Variants in UBE3D observed in about 807,000 individuals in gnomAD.
The protein encoded by UBE3D is E3 ubiquitin-protein ligase E3D.
Under a neutral mutation model 49.6 loss-of-function variants are expected in UBE3D, and 48 were observed. That is an observed-to-expected ratio of 0.97 (90% CI 0.77 to 1.23). The LOEUF (loss-of-function observed/expected upper bound fraction) is 1.23, where lower values mean the gene tolerates loss of function less well. UBE3D is among the 50% of genes most tolerant of loss of function. UBE3D has a pLI of 0.00. For missense variants in UBE3D, 452 were observed against 468.4 expected, an observed-to-expected ratio of 0.96 and a Z score of 0.32; for synonymous variants, 189 against 174.2, an observed-to-expected ratio of 1.08 and a Z score of -0.67.
At chr6:82,934,177 A>G (rs1774381152) in intron 9 of UBE3D, among the ~76,000 whole-genome samples, 1 of 152,118 alleles carries the variant, frequency 6.6e-6, no homozygotes, top group African/African-American at 2.4e-5. Flanking sequence ...TCTCTCACCC[A>G]CCGCCATGTA....
intron 2 of UBE3D, among the ~76,000 whole-genome samples, chr6:83,056,402 A>C (rs1783818197): frequency 6.6e-6 from 1 of 152,288 alleles, no homozygotes; most frequent in Non-Finnish European, 1.5e-5. Flanking sequence ...ATGACAACAC[A>C]ACATCCAGCC....
At chr6:82,969,954 T>C in intron 8 of UBE3D, among the ~76,000 whole-genome samples, 2 of 151,424 alleles carry the variant, frequency 1.3e-5, no homozygotes, top group East Asian at 3.9e-4. Context: ...ATGGTGTTAA[T>C]ATAGAAGTAG....
At chr6:82,985,959 C>T (rs1281046922) in intron 8 of UBE3D, among the ~76,000 whole-genome samples, 1 of 152,006 alleles carries the variant, frequency 6.6e-6, no homozygotes, top group East Asian at 1.9e-4. Context: ...AGGGCTAGTC[C>T]TTGCCCTGAT....
intron 9 of UBE3D, chr6:82,938,383 C>T (rs551272519): frequency 2.6e-5 from 4 of 152,210 alleles, no homozygotes; most frequent in African/African-American, 9.6e-5. Flanking sequence ...GGCTGCACAT[C>T]CCTGAGAAAA....
At chr6:83,029,685 T>C (rs1489614770) in intron 5 of UBE3D, among the ~76,000 whole-genome samples, 1 of 152,242 alleles carries the variant, frequency 6.6e-6, no homozygotes, top group Non-Finnish European at 1.5e-5. Flanking sequence ...TGCAATATGT[T>C]GTAGCAACTG....
chr6:83,039,151 CCCAT>C (rs1782469963), intron 4 of UBE3D, among the ~76,000 whole-genome samples: 1 of 152,188 alleles, frequency 6.6e-6, no homozygotes, highest in Admixed American at 6.5e-5. Flanking sequence ...TATGCCTTTT[CCCAT>C]CCATAGTTAT....
chr6:82,967,005 A>G (rs1181470427), intron 8 of UBE3D, among the ~76,000 whole-genome samples: 1 of 151,974 alleles, frequency 6.6e-6, no homozygotes, highest in East Asian at 1.9e-4. Flanking sequence ...TATTTTTTTC[A>G]TTTTTTTCAT....
intron 9 of UBE3D, among the ~76,000 whole-genome samples, chr6:82,928,937 C>T (rs1214724606): frequency 2.6e-5 from 4 of 152,140 alleles, no homozygotes; most frequent in Admixed American, 2.6e-4. Flanking sequence ...GAAGTGACAA[C>T]AAACACCTTA....
chr6:82,889,672 T>C (rs1385307546), downstream of UBE3D, among the ~76,000 whole-genome samples: 1 of 152,160 alleles, frequency 6.6e-6, no homozygotes, highest in Non-Finnish European at 1.5e-5. Context: ...CTTATTGTGC[T>C]TTGCAGAAAT....
At chr6:83,015,106 G>A (rs1223422633) in intron 8 of UBE3D, among the ~76,000 whole-genome samples, 1 of 152,120 alleles carries the variant, frequency 6.6e-6, no homozygotes, top group Admixed American at 6.5e-5. Context: ...TATTCCAATT[G>A]CATTTAAATT....
At chr6:82,884,824 C>A in the UBE3D span, among the ~76,000 whole-genome samples, 12 of 152,128 alleles carry the variant, frequency 7.9e-5, no homozygotes, top group Admixed American at 2.6e-4. Context: ...GATGATTTGC[C>A]TTGTTCTCCT....
intron 8 of UBE3D, among the ~76,000 whole-genome samples, chr6:82,998,854 C>T (rs1451312275): frequency 6.6e-6 from 1 of 152,146 alleles, no homozygotes; most frequent in Non-Finnish European, 1.5e-5. Context: ...AACTTTAACC[C>T]TGATGAACTC....
chr6:83,043,382 T>C (rs542569005), intron 4 of UBE3D, among the ~76,000 whole-genome samples: 1 of 151,982 alleles, frequency 6.6e-6, no homozygotes, highest in Non-Finnish European at 1.5e-5. Flanking sequence ...AACAAATATA[T>C]ATTAACTTAC....
chr6:83,014,064 C>T lies in UBE3D; in HGVS notation c.1010+4909G>A, dbSNP rs114931891. 4.6e-3 allele frequency among the ~76,000 whole-genome samples: 701 copies of T among 152,372 alleles called. 8 individuals carry two copies. The highest frequency in any genetic ancestry group is 0.016 in the African/African-American group (662 of 41,590). Reference sequence around the variant, plus strand: ...AAAAAGGCATTTGCCAAATCAATGACTGCATACCAAGTACCAGGAGATGTG... The same window carrying T: ...AAAAAGGCATTTGCCAAATCAATGATTGCATACCAAGTACCAGGAGATGTG... On this transcript the variant is annotated intron_variant, in intron 8 of 9. Coordinates refer to ENST00000369747, the MANE Select transcript of UBE3D (RefSeq NM_198920.3).
chr6:82,895,059 C>A (rs982032233), intron 9 of UBE3D, among the ~76,000 whole-genome samples: 2 of 152,146 alleles, frequency 1.3e-5, no homozygotes, highest in Non-Finnish European at 2.9e-5. Flanking sequence ...GGCCTGTAAT[C>A]CCAGCACTTT....
At chr6:82,886,530 A>C in the UBE3D span, among the ~76,000 whole-genome samples, 1 of 152,212 alleles carries the variant, frequency 6.6e-6, no homozygotes, top group African/African-American at 2.4e-5. Context: ...CCTGATGTAG[A>C]GAACATCCTT....
At chr6:82,927,213 C>T (rs1368335508) in intron 9 of UBE3D, among the ~76,000 whole-genome samples, 4 of 144,110 alleles carry the variant, frequency 2.8e-5, no homozygotes, top group Non-Finnish European at 4.6e-5. Flanking sequence ...ATCTATTTGT[C>T]TTTTTTTTTT....
rs371143815 is a variant in UBE3D at position 82,892,936 on chromosome 6, T to C, written c.*86A>G. Reference sequence around the variant, plus strand: ...TAGCTCTGGTTCTTGTCTTTGTAATTGATGCCTCCTGAGCTGACTGCTGGC... The same window carrying C: ...TAGCTCTGGTTCTTGTCTTTGTAATCGATGCCTCCTGAGCTGACTGCTGGC... On this transcript the variant is annotated 3_prime_UTR_variant, in exon 10 of 10. Transcript: ENST00000369747. 6.1e-6 allele frequency: 9 copies of C among 1,480,148 alleles called. No homozygotes were observed. The Admixed American group carries it at 8.4e-5, about 14-fold the overall frequency. The allele number at this position is 1,480,148 out of a possible 1,614,324, so 91.7% of individuals were successfully genotyped here.
chr6:83,045,204 C>T (rs181599656), intron 3 of UBE3D, among the ~76,000 whole-genome samples: 6 of 152,322 alleles, frequency 3.9e-5, no homozygotes, highest in African/African-American at 1.4e-4. Context: ...TAAGCACAAA[C>T]TATATGCATA....
Sources: allele counts gnomAD v4.1 joint callset (sites outside exome capture counted in the v4.1 genomes callset), GRCh38; gene constraint gnomAD v4.1.1; transcripts MANE v1.5; gene names NCBI Gene and HGNC (gene_info 2026-07-23, HGNC 2026-07-21).